The following AMOTL1 variants were observed in gnomAD, a reference collection of about 807,000 sequenced individuals.
AMOTL1 encodes angiomotin like 1, also known as angiomotin-like protein 1.
AMOTL1 carries 45 observed loss-of-function variants against 102.9 expected under a neutral mutation model. The observed-to-expected ratio is 0.44, with a 90% confidence interval of 0.34 to 0.56. The LOEUF (loss-of-function observed/expected upper bound fraction) is 0.56. AMOTL1 is among the 20% of genes least tolerant of loss of function. AMOTL1 has a pLI of 0.01. For missense variants in AMOTL1, 1,114 were observed against 1,225.6 expected (o/e 0.91, Z 1.36); for synonymous variants, 481 against 484.7 (o/e 0.99, Z 0.10).
chr11:94,808,380 C>T (rs905041279), intron 3 of AMOTL1, among the ~76,000 whole-genome samples: 2 of 152,250 alleles, frequency 1.3e-5, no homozygotes, highest in East Asian at 3.9e-4. Context: ...GTCTATTTAG[C>T]CCCCTGCATT....
At chr11:94,740,607 CCCGCGGGCTGAGGGCAGAGGATGCGG>C (rs1950506963) in intron 2 of AMOTL1, among the ~76,000 whole-genome samples, 1 of 151,746 alleles carries the variant, frequency 6.6e-6, no homozygotes, top group South Asian at 2.1e-4. Context: ...AGCAATGCGC[CCCGCGGGCTGAGGGCAGAGGATGCGG>C]CCGCGGCCCA....
intron 3 of AMOTL1, among the ~76,000 whole-genome samples, chr11:94,802,431 G>A (rs1951495834): frequency 1.3e-5 from 2 of 152,248 alleles, no homozygotes; most frequent in Admixed American, 1.3e-4. Flanking sequence ...TTTACTATTT[G>A]TAAAGTAATA....
intron 2 of AMOTL1, among the ~76,000 whole-genome samples, chr11:94,739,121 A>G (rs575445982): frequency 6.6e-6 from 1 of 152,328 alleles, no homozygotes; most frequent in South Asian, 2.1e-4. Flanking sequence ...AGAGGAGGCA[A>G]GTAATGCAGC....
At chr11:94,715,839 T>C (rs1274008117) in intron 1 of AMOTL1, among the ~76,000 whole-genome samples, 6 of 152,126 alleles carry the variant, frequency 3.9e-5, no homozygotes, top group Non-Finnish European at 8.8e-5. Context: ...TTAGTGTGGA[T>C]TTCCTTGGAT....
chr11:94,810,862 A>T (rs967114499), intron 3 of AMOTL1, among the ~76,000 whole-genome samples: 13 of 151,298 alleles, frequency 8.6e-5, no homozygotes, highest in Middle Eastern at 3.4e-3. Flanking sequence ...ACACACACAC[A>T]CACACACGCG....
chr11:94,868,099 C>T (rs1258304155), intron 11 of AMOTL1, among the ~76,000 whole-genome samples: 1 of 152,226 alleles, frequency 6.6e-6, no homozygotes, highest in African/African-American at 2.4e-5. Context: ...TACAGAATCC[C>T]AGGCCCTGCC....
rs538540118 is a variant in AMOTL1, at chr11:94,732,715, T to C, written c.85+3660T>C. On this transcript the variant is annotated intron_variant, in intron 2 of 4. Coordinates refer to the AMOTL1 transcript ENST00000299004. The stretch of plus-strand genomic sequence containing the variant: ...TATAAAATATTTCTTCTTCCTCTTA[T>C]AGATGTGCTCACTCAGCTGTTTGGG... Among the ~76,000 whole-genome samples the C allele has an allele frequency of 2.6e-5, 4 of 152,318 alleles. No individual in the cohort carries two copies. The South Asian group carries it at 6.2e-4, about 24-fold the overall frequency.
chr11:94,787,556 C>T lies in AMOTL1; in HGVS notation c.50-7455C>T, dbSNP rs566372986. 9.2e-5 allele frequency among the ~76,000 whole-genome samples: 14 copies of T among 151,410 alleles called. No homozygotes were observed. In the South Asian group the frequency reaches 1.0e-3, roughly 11 times the overall value. ...TACAAAAATTAGCCGGGCATGGTGG[C>T]GCGCGCCTGTAGTCCCAGCTACACG... On this transcript the variant is annotated intron_variant, in intron 1 of 12. Transcript: ENST00000433060.
chr11:94,732,050 C>T (rs1950362604), intron 2 of AMOTL1, among the ~76,000 whole-genome samples: 1 of 152,210 alleles, frequency 6.6e-6, no homozygotes, highest in South Asian at 2.1e-4. Context: ...CCACCTGCTT[C>T]AAAGCATCTT....
chr11:94,758,071 A>C (rs1459049200), intron 3 of AMOTL1, among the ~76,000 whole-genome samples: 2 of 152,232 alleles, frequency 1.3e-5, no homozygotes, highest in African/African-American at 2.4e-5. Flanking sequence ...CAAAAAAACA[A>C]AAAAGGCAAG....
intron 8 of AMOTL1, among the ~76,000 whole-genome samples, chr11:94,855,202 G>A (rs575362324): frequency 1.3e-5 from 2 of 152,356 alleles, no homozygotes; most frequent in South Asian, 4.1e-4. Flanking sequence ...TTGAGCGCAT[G>A]CACTCAGGCC....
rs7107715 is a variant in AMOTL1 at position 94,706,800 on chromosome 11, G to A, written c.-51+203G>A. On this transcript the variant is annotated intron_variant, in intron 1 of 4. Transcript: ENST00000299004. The stretch of plus-strand genomic sequence containing the variant: ...GGCGAAGTCAGCTTTGAGCTGCAGT[G>A]GTGGGCTCTCACAGTGGGTGTAGGA... Among the ~76,000 whole-genome samples, 1,170 of 152,260 alleles carry A rather than the reference G, an allele frequency of 7.7e-3. 13 individuals are homozygous for A. Among genetic ancestry groups the A allele is most frequent in the African/African-American group, 0.026 (1,092 of 41,540 alleles).
chr11:94,824,315 T>A (rs1323318638), intron 4 of AMOTL1, among the ~76,000 whole-genome samples: 2 of 152,200 alleles, frequency 1.3e-5, no homozygotes, highest in Admixed American at 6.5e-5. Context: ...TTTTTCCTCA[T>A]CAACATCACA....
chr11:94,870,710 A>G lies in AMOTL1; in HGVS notation c.2786A>G (p.Lys929Arg), dbSNP rs764555275. 2 of 1,602,164 alleles carry G rather than the reference A, an allele frequency of 1.2e-6. No homozygotes were observed. Among genetic ancestry groups the G allele is most frequent in the Admixed American group, 3.4e-5 (2 of 59,108 alleles). ...GCAGAGAACTCTCCTGGCCATGGGAAGTCGCCTGACCACAGAGGCCGGGTC... is the reference window on the plus strand; with the variant it reads ...GCAGAGAACTCTCCTGGCCATGGGAGGTCGCCTGACCACAGAGGCCGGGTC... Reference protein sequence around the residue: ...EKLENSPGHGKSPDHRGRVSS... With the variant: ...EKLENSPGHGRSPDHRGRVSS... The change falls in exon 13 of 13, where the codon AAG becomes AGG. Residue 929 changes from lysine to arginine, a missense_variant. By Grantham distance (26) the Lys-to-Arg change is conservative. Coordinates refer to ENST00000433060, the MANE Select transcript of AMOTL1 (RefSeq NM_130847.3).
chr11:94,719,560 G>A (rs1031366399), intron 1 of AMOTL1, among the ~76,000 whole-genome samples: 4 of 114,476 alleles, frequency 3.5e-5, no homozygotes, highest in African/African-American at 5.4e-5. Flanking sequence ...AAAAGCCAGA[G>A]CGAAAATGTG....
intron 6 of AMOTL1, among the ~76,000 whole-genome samples, chr11:94,835,709 T>C (rs906237878): frequency 2.6e-5 from 4 of 152,200 alleles, no homozygotes; most frequent in Admixed American, 6.5e-5. Flanking sequence ...CTCCACCGCT[T>C]TGGGATTTGC....
chr11:94,799,487 G>T lies in AMOTL1; in HGVS notation c.297G>T (p.Leu99Phe). The change falls in exon 3 of 13, where the codon TTG becomes TTT. Residue 99 changes from leucine (L) to phenylalanine (F), a missense_variant. Transcript: ENST00000433060. This position sits in a 1 kb window ranked among gnomAD's most constrained non-coding sequence, Gnocchi z 4.5. ...GSEDAAAGTV[L>F]QRLIQEQLRY... ...AGGATGCGGCAGCTGGAACAGTATT[G>T]CAGCGGCTGATCCAGGAACAACTGC... 1 of 1,612,176 alleles carries T rather than the reference G, an allele frequency of 6.2e-7. No individual in the cohort carries two copies.
At chr11:94,850,623 G>C (rs923774320) in intron 7 of AMOTL1, among the ~76,000 whole-genome samples, 9 of 152,198 alleles carry the variant, frequency 5.9e-5, no homozygotes, top group African/African-American at 2.2e-4. Context: ...TTTCCTTAAA[G>C]CCTGACTGAG....
intron 1 of AMOTL1, among the ~76,000 whole-genome samples, chr11:94,792,760 G>T (rs1951305999): frequency 6.6e-6 from 1 of 152,350 alleles, no homozygotes; most frequent in East Asian, 1.9e-4. Context: ...ATTCAGGTGT[G>T]TGTGGGGGTG....
Sources: allele counts gnomAD v4.1 joint callset (sites outside exome capture counted in the v4.1 genomes callset), GRCh38; gene constraint gnomAD v4.1.1; non-coding constraint Gnocchi (gnomAD v3.1); transcripts MANE v1.5; gene names NCBI Gene and HGNC (gene_info 2026-07-23, HGNC 2026-07-21).